PTPRK: variants seen among roughly 807,000 people sequenced by gnomAD.
The protein encoded by PTPRK is protein tyrosine phosphatase receptor type K.
PTPRK carries 75 observed loss-of-function variants against 178.0 expected under a neutral mutation model. That is an observed-to-expected ratio of 0.42 (90% CI 0.35 to 0.51). The LOEUF (loss-of-function observed/expected upper bound fraction) is 0.51, where lower values mean the gene tolerates loss of function less well. Among genes scored for constraint, PTPRK ranks in the 20% least tolerant of loss-of-function variants. The probability of loss-of-function intolerance (pLI) is 0.02; values close to 1 mark genes in which losing one functional copy is unlikely to be tolerated. For synonymous variants in PTPRK, 637 were observed against 620.6 expected (o/e 1.03, Z -0.39); for missense variants, 1,441 against 1,797.8 (o/e 0.80, Z 3.59).
At chr6:128,035,814 T>C (rs1415269041) in intron 13 of PTPRK, among the ~76,000 whole-genome samples, 1 of 151,880 alleles carries the variant, frequency 6.6e-6, no homozygotes, top group Non-Finnish European at 1.5e-5. Context: ...TAATATTTAG[T>C]GGGAAAGGGC....
chr6:127,984,014 T>C (rs1435361877), intron 22 of PTPRK, among the ~76,000 whole-genome samples: 1 of 152,158 alleles, frequency 6.6e-6, no homozygotes, highest in Non-Finnish European at 1.5e-5. Context: ...AGGTGTAGAA[T>C]ATGATTCCCA....
At chr6:128,085,776 A>T (rs191823474) in intron 8 of PTPRK, among the ~76,000 whole-genome samples, 1 of 152,310 alleles carries the variant, frequency 6.6e-6, no homozygotes, top group African/African-American at 2.4e-5. Flanking sequence ...TTGCATTTGT[A>T]AGACAAAAGT....
chr6:128,194,064 A>ATATATATTAT (rs1307363948), intron 6 of PTPRK, among the ~76,000 whole-genome samples: 1 of 137,568 alleles, frequency 7.3e-6, no homozygotes, highest in Non-Finnish European at 1.5e-5. Flanking sequence ...ATTTATATAT[A>ATATATATTAT]TATTATTATT....
chr6:128,156,298 T>C (rs1316097136), intron 7 of PTPRK, among the ~76,000 whole-genome samples: 1 of 151,908 alleles, frequency 6.6e-6, no homozygotes. Context: ...ACATACTAGG[T>C]ATTTGTCCAT....
Position 128,105,283 on chromosome 6 carries a change from G to A in PTPRK, c.1163-15291C>T, listed in dbSNP as rs190202148. Among the ~76,000 whole-genome samples the A allele has an allele frequency of 4.2e-3, 643 of 152,140 alleles. 3 individuals are homozygous for A. Among genetic ancestry groups the A allele is most frequent in the Middle Eastern group, 6.8e-3 (2 of 294 alleles). ...GGAGTAGCTGGGACTACAGGCGCCCGCCACCACGCCCTGCTATTTTTTTGT... is the reference window on the plus strand; with the variant it reads ...GGAGTAGCTGGGACTACAGGCGCCCACCACCACGCCCTGCTATTTTTTTGT... On this transcript the variant is annotated intron_variant, in intron 7 of 29. Coordinates refer to ENST00000368226, the MANE Select transcript of PTPRK (RefSeq NM_002844.4).
intron 7 of PTPRK, among the ~76,000 whole-genome samples, chr6:128,183,977 CG>C (rs879770093): frequency 5.2e-4 from 79 of 152,254 alleles, no homozygotes; most frequent in Admixed American, 4.7e-3. Context: ...GTTATCTCAA[CG>C]AGGCATTGTC....
chr6:128,180,224 C>T (rs1432724009), intron 7 of PTPRK, among the ~76,000 whole-genome samples: 1 of 151,770 alleles, frequency 6.6e-6, no homozygotes, highest in African/African-American at 2.4e-5. Context: ...TATTTTATTT[C>T]CATTTAATAA....
chr6:128,082,582 G>C lies in PTPRK; in HGVS notation c.1632C>G (p.Pro544=). 6.2e-7 allele frequency: 1 copy of C among 1,612,694 alleles called. No individual in the cohort carries two copies. Among genetic ancestry groups the C allele is most frequent in the East Asian group, 2.2e-5 (1 of 44,862 alleles). The part of the protein sequence containing the change: ...FDPAVPVAGP[P]QTVSNLWNST... ...TGTTCCATAAATTTGATACAGTCTG[G>C]GGAGGTCCAGCCACTGGAACTGCAG... The change falls in exon 10 of 30, where the codon CCC becomes CCG. Residue 544 remains proline (P), a synonymous_variant. Transcript: ENST00000368226.
In PTPRK at chr6:127,990,827, G is replaced by A. The variant is rs1445176709; in HGVS notation, c.3038C>T (p.Thr1013Met). ...DTEVYGDFKVTCVEMEPLAEY... is the reference protein window; with the variant it reads ...DTEVYGDFKVMCVEMEPLAEY... ...AGCAAGTGGTTCCATTTCTACACAC[G>A]TTACTTTGAAGTCACCATAAACTTC... Residue 1013 changes from threonine (T) to methionine (M), a missense_variant, in exon 21 of 30, where the codon ACG (threonine) becomes ATG (methionine). Physicochemically the swap from Thr to Met is moderately conservative, Grantham distance 81. Around this residue, in one of 4 missense-constraint regions of PTPRK, gnomAD observed 945 missense variants for 1,080.6 expected, o/e 0.87. Transcript: ENST00000368226. 10 of 1,612,248 alleles carry A rather than the reference G, an allele frequency of 6.2e-6. No homozygotes were observed. The Admixed American group carries it at 6.7e-5, about 11-fold the overall frequency.
intron 6 of PTPRK, among the ~76,000 whole-genome samples, chr6:128,194,793 T>A (rs962772492): frequency 1.3e-5 from 2 of 152,216 alleles, no homozygotes; most frequent in African/African-American, 4.8e-5. Flanking sequence ...TGGCAATATA[T>A]GTCCCAGTTA....
intron 3 of PTPRK, among the ~76,000 whole-genome samples, chr6:128,249,208 A>AT (rs1332426720): frequency 6.6e-6 from 1 of 151,858 alleles, no homozygotes; most frequent in Non-Finnish European, 1.5e-5. Flanking sequence ...ACAGAAAAAT[A>AT]TAGTAGTAGA....
intron 1 of PTPRK, among the ~76,000 whole-genome samples, chr6:128,413,071 C>T (rs1842477050): frequency 6.6e-6 from 1 of 152,194 alleles, no homozygotes; most frequent in Non-Finnish European, 1.5e-5. Flanking sequence ...GCATCTACAA[C>T]CCATATATTT....
chr6:127,986,010 TAA>T lies in PTPRK; in HGVS notation c.3097-137_3097-136del, dbSNP rs34209700. On this transcript the variant is annotated intron_variant, in intron 21 of 29. Coordinates refer to ENST00000368226, the MANE Select transcript of PTPRK (RefSeq NM_002844.4). Reference sequence around the variant, plus strand: ...CTTTACGAAAGACTATGCCTTTTCTTAAAAAAAAAATATAATAAAATGAAGGC... The same window carrying T: ...CTTTACGAAAGACTATGCCTTTTCTTAAAAAAAATATAATAAAATGAAGGC... 1.3e-3 allele frequency: 791 copies of T among 611,238 alleles called. 4 individuals are homozygous for T. The African/African-American group carries it at 0.014, about 11-fold the overall frequency. 37.9% of individuals were successfully genotyped at this position (611,238 alleles called of 1,614,324 possible). A position where few individuals can be genotyped will look rare whatever the true frequency, so the allele number is the denominator to read the frequency against.
intron 3 of PTPRK, among the ~76,000 whole-genome samples, chr6:128,313,977 T>C (rs901180601): frequency 4.6e-5 from 7 of 152,258 alleles, no homozygotes; most frequent in South Asian, 2.1e-4. Context: ...AATCTACCCA[T>C]CTCATCTTGA....
chr6:127,977,151 G>A, intron 25 of PTPRK, 97 bp from the exon 26 acceptor site: 1 of 1,231,054 alleles, frequency 8.1e-7, no homozygotes, highest in South Asian at 1.3e-5. Flanking sequence ...GGACCAGTAA[G>A]ATGCAATAGC....
intron 2 of PTPRK, among the ~76,000 whole-genome samples, chr6:128,338,899 G>C (rs533941833): frequency 7.2e-5 from 11 of 152,108 alleles, no homozygotes; most frequent in African/African-American, 2.7e-4. Context: ...ACTATCTAAA[G>C]AAGGGGAGGC....
rs756148554 is a variant in PTPRK, at chr6:128,354,231, G to GTTTT, written c.224-31925_224-31922dup. On this transcript the variant is annotated intron_variant, in intron 2 of 29. Coordinates refer to ENST00000368226, the MANE Select transcript of PTPRK (RefSeq NM_002844.4). ...ACATGTATTTTGGTTTTTTGTTTAT[G>GTTTT]TTTTTTTTTTTTTTTTTTTTTTTTG... Among the ~76,000 whole-genome samples the GTTTT allele has an allele frequency of 1.2e-4, 6 of 49,368 alleles. 2 individuals carry two copies. In the East Asian group the frequency reaches 4.2e-3, roughly 34 times the overall value. The allele number at this position is 49,368 out of a possible 152,430, so 32.4% of individuals were successfully genotyped here. A position where few individuals can be genotyped will look rare whatever the true frequency, so the allele number is the denominator to read the frequency against.
At chr6:128,059,403 T>C (rs1437249142) in intron 13 of PTPRK, among the ~76,000 whole-genome samples, 1 of 152,176 alleles carries the variant, frequency 6.6e-6, no homozygotes, top group Non-Finnish European at 1.5e-5. Context: ...ACATTATAAA[T>C]GACAACATCT....
At chr6:128,282,691 A>G (rs371517748) in intron 3 of PTPRK, among the ~76,000 whole-genome samples, 1 of 152,192 alleles carries the variant, frequency 6.6e-6, no homozygotes, top group African/African-American at 2.4e-5. Flanking sequence ...ATCATAATAG[A>G]GAGACAGCAT....
Sources: gnomAD v4.1 joint callset for allele counts (sites outside exome capture counted in the v4.1 genomes callset) on GRCh38, gnomAD v4.1.1 for gene constraint, gnomAD v4.1.1 regional missense constraint, MANE v1.5 for transcripts, NCBI Gene and HGNC (gene_info 2026-07-23, HGNC 2026-07-21) for gene names.